PCDHA9: variants seen among roughly 807,000 people sequenced by gnomAD.
PCDHA9 encodes the protein protocadherin alpha-9.
Under a neutral mutation model 62.0 loss-of-function variants are expected in PCDHA9, and 62 were observed. That is an observed-to-expected ratio of 1.00 (90% CI 0.81 to 1.23). PCDHA9 has a LOEUF of 1.23. Among genes scored for constraint, PCDHA9 ranks in the 50% most tolerant of loss-of-function variants. The probability of loss-of-function intolerance (pLI) is 0.00; values close to 1 mark genes in which losing one functional copy is unlikely to be tolerated. For synonymous variants in PCDHA9, 557 were observed against 567.6 expected, an observed-to-expected ratio of 0.98 and a Z score of 0.27; for missense variants, 1,205 against 1,249.8, an observed-to-expected ratio of 0.96 and a Z score of 0.54.
chr5:140,851,237 G>A (rs782702575), intron 1 of PCDHA9: 5 of 1,101,536 alleles, frequency 4.5e-6, no homozygotes, highest in African/African-American at 1.6e-5. Context: ...TTTATTTATT[G>A]CTAAATGATG....
Position 140,850,039 on chromosome 5 carries a change from G to A in PCDHA9, c.1544G>A (p.Gly515Asp), listed in dbSNP as rs1554143677. Reference sequence around the variant, plus strand: ...TACGTGTCAGTGCACGCGGAGAGCGGCAAGGTGTACGCGCTGCAGCCGTTG... The same window carrying A: ...TACGTGTCAGTGCACGCGGAGAGCGACAAGGTGTACGCGCTGCAGCCGTTG... ...SSYVSVHAES[G>D]KVYALQPLDH... is the part of the protein sequence containing the mutation. Residue 515 changes from glycine (G) to aspartate (D), a missense_variant, in exon 1 of 4, where the codon GGC becomes GAC. Gly to Asp is a moderately conservative substitution (Grantham distance 94). Around this residue, in one of 3 missense-constraint regions of PCDHA9, gnomAD observed 887 missense variants for 809.5 expected, o/e 1.10. Transcript: ENST00000532602. The A allele has an allele frequency of 1.3e-6, 2 of 1,596,568 alleles. No homozygotes were observed. Among genetic ancestry groups the A allele is most frequent in the African/African-American group, 2.7e-5 (2 of 74,378 alleles).
intron 1 of PCDHA9, among the ~76,000 whole-genome samples, chr5:140,879,169 T>C (rs2057884518): frequency 6.6e-6 from 1 of 152,156 alleles, no homozygotes; most frequent in Non-Finnish European, 1.5e-5. Flanking sequence ...TTTTAATAAA[T>C]TAGGTATCAA....
intron 1 of PCDHA9, among the ~76,000 whole-genome samples, chr5:140,895,711 T>C (rs2065121989): frequency 6.6e-6 from 1 of 152,216 alleles, no homozygotes; most frequent in African/African-American, 2.4e-5. Flanking sequence ...CTTGGGATAA[T>C]GGCCTGCACC....
chr5:140,870,317 C>T (rs782216904), intron 1 of PCDHA9: 9 of 1,614,198 alleles, frequency 5.6e-6, no homozygotes, highest in South Asian at 2.2e-5. Flanking sequence ...AATTACTACT[C>T]GTTGGTGCTG....
intron 3 of PCDHA9, among the ~76,000 whole-genome samples, chr5:140,982,861 G>A (rs1356683030): frequency 1.3e-5 from 2 of 152,110 alleles, no homozygotes; most frequent in African/African-American, 4.8e-5. Flanking sequence ...CCTTTCAAAT[G>A]CTTAGGTCAT....
intron 1 of PCDHA9, chr5:140,884,540 G>A (rs782638313): frequency 1.9e-6 from 3 of 1,613,998 alleles, no homozygotes; most frequent in South Asian, 2.2e-5. Flanking sequence ...GCGGCCGAGG[G>A]TGTGCTCTGG....
rs1334280981 is a variant in PCDHA9, at chr5:140,848,756, T to C, written c.261T>C (p.Asn87=). The change falls in exon 1 of 4, where the codon AAT becomes AAC. Residue 87 remains asparagine, a synonymous_variant. Coordinates refer to ENST00000532602, the MANE Select transcript of PCDHA9 (RefSeq NM_031857.2). ...TGCAGAATGGCATTTTGTTTGTGAATTCTCGGATCGACCGCGAGGAGCTGT... is the reference window on the plus strand; with the variant it reads ...TGCAGAATGGCATTTTGTTTGTGAACTCTCGGATCGACCGCGAGGAGCTGT... ...VNLQNGILFV[N]SRIDREELCG... is the part of the protein sequence containing the mutation. 2 of 1,593,258 alleles carry C rather than the reference T, an allele frequency of 1.3e-6. 1 individual carries two copies. Among genetic ancestry groups the C allele is most frequent in the Non-Finnish European group, 1.7e-6 (2 of 1,164,046 alleles).
At chr5:140,980,553 C>G (rs1554241953) in intron 2 of PCDHA9, among the ~76,000 whole-genome samples, 1 of 152,062 alleles carries the variant, frequency 6.6e-6, no homozygotes, top group Admixed American at 6.6e-5. Context: ...TCGCTTGAAC[C>G]CGGGAGGCGG....
chr5:140,971,922 G>A (rs1433994919), intron 1 of PCDHA9, among the ~76,000 whole-genome samples: 1 of 152,120 alleles, frequency 6.6e-6, no homozygotes, highest in Admixed American at 6.5e-5. Context: ...CACACTGCTA[G>A]TGTTATTTTA....
At chr5:140,958,145 A>G (rs1044763099) in intron 1 of PCDHA9, among the ~76,000 whole-genome samples, 4 of 152,156 alleles carry the variant, frequency 2.6e-5, no homozygotes, top group African/African-American at 4.8e-5. Context: ...GTATATTTAT[A>G]TAGCATAGTC....
chr5:140,939,798 C>A (rs2092461303), intron 1 of PCDHA9, among the ~76,000 whole-genome samples: 1 of 152,138 alleles, frequency 6.6e-6, no homozygotes, highest in African/African-American at 2.4e-5. Flanking sequence ...TATAAATGTT[C>A]TGCATGTTCA....
chr5:140,967,108 G>A (rs2096097580), intron 1 of PCDHA9: 1 of 1,612,960 alleles, frequency 6.2e-7, no homozygotes, highest in South Asian at 1.1e-5. Flanking sequence ...GTGAGCAGCG[G>A]CCTCGCTGCC....
At chr5:141,000,405 A>ATG (rs2097918195) in intron 3 of PCDHA9, among the ~76,000 whole-genome samples, 3 of 88,878 alleles carry the variant, frequency 3.4e-5, no homozygotes, top group African/African-American at 1.4e-4. Flanking sequence ...CTATATATAT[A>ATG]TATATATATA....
chr5:140,987,789 G>T (rs1356794638), intron 3 of PCDHA9, among the ~76,000 whole-genome samples: 2 of 152,136 alleles, frequency 1.3e-5, no homozygotes, highest in African/African-American at 4.8e-5. Context: ...CTATAGAGAA[G>T]ATTTTTTTAA....
At chr5:140,924,507 C>T (rs2081871616) in intron 1 of PCDHA9, among the ~76,000 whole-genome samples, 1 of 152,168 alleles carries the variant, frequency 6.6e-6, no homozygotes, top group African/African-American at 2.4e-5. Context: ...CAATCCCACT[C>T]TTAGTGTTAA....
At position 140,982,508 on chromosome 5, in the gene PCDHA9, G is replaced by A. The variant is rs1586930589; in HGVS notation, c.2487G>A (p.Arg829=). The change falls in exon 3 of 4, where the codon CGG becomes CGA. Residue 829 remains arginine, a synonymous_variant. Transcript: ENST00000532602. The part of the protein sequence containing the change: ...SVHLEEAGIL[R]AGPGGPDQQW... The stretch of plus-strand genomic sequence containing the variant: ...ACCTAGAGGAGGCTGGCATTCTACG[G>A]GCTGGTCCAGGAGGGCCTGATCAGC... The A allele has an allele frequency of 6.2e-7, 1 of 1,614,154 alleles. No individual in the cohort carries two copies. Among genetic ancestry groups the A allele is most frequent in the Non-Finnish European group, 8.5e-7 (1 of 1,180,018 alleles).
chr5:140,870,186 C>T (rs1362653742), intron 1 of PCDHA9: 7 of 1,614,152 alleles, frequency 4.3e-6, no homozygotes, highest in Non-Finnish European at 5.9e-6. Flanking sequence ...TACGAGAGGA[C>T]GCTCAGCCCA....
intron 1 of PCDHA9, chr5:140,927,791 G>C: frequency 6.2e-7 from 1 of 1,614,196 alleles, no homozygotes; most frequent in Admixed American, 1.7e-5. Context: ...GCTTCACTAG[G>C]TCCGCCTGAA....
In PCDHA9 at chr5:140,852,619, G is replaced by C. The variant is rs147501708; in HGVS notation, c.2394+1730G>C. On this transcript the variant is annotated intron_variant, in intron 1 of 3. Transcript: ENST00000532602. ...TGTCATTTTCTTTCAAAACTTGAGT[G>C]GTCTCTGAGCTCCTGTCATTAAACC... The C allele has an allele frequency of 3.4e-4, 315 of 937,802 alleles. 5 individuals carry two copies. The East Asian group carries it at 0.027, about 79-fold the overall frequency. The allele number at this position is 937,802 out of a possible 1,614,324, so 58.1% of individuals were successfully genotyped here.
Sources: gnomAD v4.1 joint callset for allele counts (sites outside exome capture counted in the v4.1 genomes callset) on GRCh38, gnomAD v4.1.1 for gene constraint, gnomAD v4.1.1 regional missense constraint, MANE v1.5 for transcripts, NCBI Gene and HGNC (gene_info 2026-07-23, HGNC 2026-07-21) for gene names.